CCSER1: variants seen among roughly 807,000 people sequenced by gnomAD.
CCSER1 encodes serine-rich coiled-coil domain-containing protein 1.
Under a neutral mutation model 82.0 loss-of-function variants are expected in CCSER1, and 41 were observed. The ratio of observed to expected loss-of-function variants is 0.50; its 90% CI spans 0.39 to 0.65. CCSER1 has a LOEUF of 0.65. Ranked by LOEUF, CCSER1 falls within the 30% of genes least tolerant of loss-of-function variation. The probability of loss-of-function intolerance (pLI) is 0.00; values close to 1 mark genes in which losing one functional copy is unlikely to be tolerated. For synonymous variants in CCSER1, 414 were observed against 383.9 expected, an observed-to-expected ratio of 1.08 and a Z score of -0.92; for missense variants, 1,119 against 1,064.2, an observed-to-expected ratio of 1.05 and a Z score of -0.72.
At chr4:90,861,009 G>A (rs1765018134) in intron 8 of CCSER1, among the ~76,000 whole-genome samples, 1 of 151,488 alleles carries the variant, frequency 6.6e-6, no homozygotes, top group African/African-American at 2.4e-5. Flanking sequence ...AAATTTTATT[G>A]TATATGAATT....
In CCSER1 at chr4:91,018,193, C is replaced by T. The variant is rs533014070; in HGVS notation, c.2173-67757C>T. On this transcript the variant is annotated intron_variant, in intron 9 of 10. Transcript: ENST00000509176. Reference sequence around the variant, plus strand: ...CTATTTATTTAGCTCAGTACTCTACCACAAGCTTCAGACTTGCTTTTCTCA... The same window carrying T: ...CTATTTATTTAGCTCAGTACTCTACTACAAGCTTCAGACTTGCTTTTCTCA... 1.1e-4 allele frequency among the ~76,000 whole-genome samples: 16 copies of T among 152,118 alleles called. No homozygotes were observed. The East Asian group carries it at 2.5e-3, about 24-fold the overall frequency.
At chr4:91,012,879 T>C (rs1739118139) in intron 9 of CCSER1, among the ~76,000 whole-genome samples, 1 of 133,568 alleles carries the variant, frequency 7.5e-6, no homozygotes, top group Non-Finnish European at 1.7e-5. Flanking sequence ...GTCCAAGGTG[T>C]TAATGTGGGC....
intron 10 of CCSER1, among the ~76,000 whole-genome samples, chr4:91,234,644 G>A (rs1738865893): frequency 6.6e-6 from 1 of 152,036 alleles, no homozygotes; most frequent in Non-Finnish European, 1.5e-5. Flanking sequence ...TAGTCCAGAT[G>A]GAAATTTGAG....
intron 10 of CCSER1, among the ~76,000 whole-genome samples, chr4:91,504,415 T>G (rs1000043036): frequency 1.3e-5 from 2 of 152,180 alleles, no homozygotes; most frequent in African/African-American, 4.8e-5. Context: ...ATAGGAGGTA[T>G]AGGACTTATC....
At chr4:90,809,574 T>C (rs572661265) in intron 7 of CCSER1, among the ~76,000 whole-genome samples, 1 of 152,098 alleles carries the variant, frequency 6.6e-6, no homozygotes, top group South Asian at 2.1e-4. Flanking sequence ...AATTACCTAT[T>C]GGGTACAATG....
chr4:91,389,417 T>C (rs1751513782), intron 10 of CCSER1, among the ~76,000 whole-genome samples: 1 of 152,052 alleles, frequency 6.6e-6, no homozygotes, highest in Non-Finnish European at 1.5e-5. Context: ...GGTTCTCTTT[T>C]CCATTCCATT....
chr4:91,046,751 C>T (rs775013016), intron 9 of CCSER1, among the ~76,000 whole-genome samples: 1 of 151,860 alleles, frequency 6.6e-6, no homozygotes, highest in Non-Finnish European at 1.5e-5. Context: ...TGGAGTCTTG[C>T]TCTGTCTCCA....
At chr4:91,043,383 A>T (rs963630172) in intron 9 of CCSER1, among the ~76,000 whole-genome samples, 9 of 152,070 alleles carry the variant, frequency 5.9e-5, no homozygotes, top group African/African-American at 2.2e-4. Context: ...AATACAAATT[A>T]AGCAGAATAT....
intron 9 of CCSER1, among the ~76,000 whole-genome samples, chr4:90,957,248 C>CCG (rs1168545705): frequency 6.8e-6 from 1 of 146,244 alleles, no homozygotes; most frequent in Non-Finnish European, 1.5e-5. Flanking sequence ...ATTACAGGCC[C>CCG]CCCCCACCAC....
rs112314449 is a variant in CCSER1 at position 91,550,109 on chromosome 4, T to A, written c.2218-48463T>A. ...CAGGTATGTCAGGCTCTGATAAAAC[T>A]TTTGCAGGTTAGGCTCTGGGAAAAT... On this transcript the variant is annotated intron_variant, in intron 10 of 10. Coordinates refer to ENST00000509176, the MANE Select transcript of CCSER1 (RefSeq NM_001145065.2). Among the ~76,000 whole-genome samples, 1,355 of 152,234 alleles carry A rather than the reference T, an allele frequency of 8.9e-3. 7 individuals are homozygous for A. Among genetic ancestry groups the A allele is most frequent in the Middle Eastern group, 0.017 (5 of 294 alleles).
intron 6 of CCSER1, among the ~76,000 whole-genome samples, chr4:90,723,226 A>T (rs1485428068): frequency 6.6e-6 from 1 of 151,898 alleles, no homozygotes; most frequent in East Asian, 1.9e-4. Context: ...CTTCTAACTG[A>T]TATATCTTTC....
At chr4:90,258,230 A>G (rs1309103445) in intron 1 of CCSER1, among the ~76,000 whole-genome samples, 1 of 152,182 alleles carries the variant, frequency 6.6e-6, no homozygotes, top group African/African-American at 2.4e-5. Context: ...TTAAAAAAAT[A>G]TCGGATGGGC....
chr4:90,500,733 C>G (rs112690082), intron 5 of CCSER1, among the ~76,000 whole-genome samples: 4,043 of 151,944 alleles, frequency 0.027, 187 homozygotes, highest in African/African-American at 0.092. Flanking sequence ...AGCAAGAAAA[C>G]AAACAAACAA....
At chr4:90,325,731 C>A (rs1425553501) in intron 3 of CCSER1, 4 of 374,872 alleles carry the variant, frequency 1.1e-5, no homozygotes, top group African/African-American at 6.2e-5. Context: ...TCATTTTAGA[C>A]AATGAAGACG....
chr4:90,152,959 T>C (rs1578208304), intron 1 of CCSER1, among the ~76,000 whole-genome samples: 1 of 151,448 alleles, frequency 6.6e-6, no homozygotes, highest in Non-Finnish European at 1.5e-5. Flanking sequence ...TATGTATACA[T>C]GTGCCATGCT....
At chr4:91,295,527 T>C (rs1291069758) in intron 10 of CCSER1, among the ~76,000 whole-genome samples, 2 of 151,906 alleles carry the variant, frequency 1.3e-5, no homozygotes, top group African/African-American at 4.8e-5. Flanking sequence ...ATTACTGAAA[T>C]ATGGGAAAGT....
Position 91,038,386 on chromosome 4 carries a change from A to G in CCSER1, c.2173-47564A>G, listed in dbSNP as rs6831484. 9.4e-3 allele frequency among the ~76,000 whole-genome samples: 1,431 copies of G among 152,330 alleles called. 17 individuals carry two copies. The highest frequency in any genetic ancestry group is 0.033 in the African/African-American group (1,368 of 41,576). ...AAGTGAGGGGTTCAAAACCCTAGCT[A>G]ATGTTCCTTAACCAAGGCTACAAAT... is the stretch of plus-strand genomic sequence containing the variant. On this transcript the variant is annotated intron_variant, in intron 9 of 10. Transcript: ENST00000509176.
chr4:90,732,170 A>ATAGT (rs1744881943), intron 7 of CCSER1, among the ~76,000 whole-genome samples: 1 of 151,996 alleles, frequency 6.6e-6, no homozygotes, highest in Admixed American at 6.6e-5. Flanking sequence ...TTGTTATATG[A>ATAGT]TAGTTGGCTT....
chr4:90,570,633 A>G (rs971747568), intron 5 of CCSER1, among the ~76,000 whole-genome samples: 3 of 152,062 alleles, frequency 2.0e-5, no homozygotes, highest in African/African-American at 7.2e-5. Context: ...TTCCTTTAGG[A>G]CAAAGGAAAT....
Sources: allele counts gnomAD v4.1 joint callset (sites outside exome capture counted in the v4.1 genomes callset), GRCh38; gene constraint gnomAD v4.1.1; transcripts MANE v1.5; gene names NCBI Gene and HGNC (gene_info 2026-07-23, HGNC 2026-07-21).